NADK2: variants seen among roughly 807,000 people sequenced by gnomAD.
NADK2 encodes NAD kinase domain-containing protein 1, mitochondrial.
NADK2 carries 35 observed loss-of-function variants against 62.1 expected under a neutral mutation model. That is an observed-to-expected ratio of 0.56 (90% CI 0.43 to 0.75). The LOEUF (loss-of-function observed/expected upper bound fraction) is 0.75. Among genes scored for constraint, NADK2 ranks in the 30% least tolerant of loss-of-function variants. The pLI is 0.00. For synonymous variants in NADK2, 205 were observed against 207.9 expected, an observed-to-expected ratio of 0.99 and a Z score of 0.12; for missense variants, 439 against 561.3, an observed-to-expected ratio of 0.78 and a Z score of 2.20.
At chr5:36,236,004 G>A (rs1402068432) in intron 1 of NADK2, among the ~76,000 whole-genome samples, 1 of 151,848 alleles carries the variant, frequency 6.6e-6, no homozygotes, top group Non-Finnish European at 1.5e-5. Context: ...CACTGATAGT[G>A]ACAAATAAAG....
intron 8 of NADK2, among the ~76,000 whole-genome samples, chr5:36,201,732 G>T (rs1246808651): frequency 6.6e-6 from 1 of 151,852 alleles, no homozygotes; most frequent in Non-Finnish European, 1.5e-5. Context: ...ATGAAAGGGA[G>T]ACTAGCTTTT....
Position 36,197,555 on chromosome 5 carries a change from A to G in NADK2, c.1176T>C (p.Arg392=), listed in dbSNP as rs1023280001. ...ANRVFSSSRQ[R]CFSSKVCVRS... ...AGGATGCTTACTTTGAGGAGAAACA[A>G]CGCTGACGACTGCTTGAGAAAACTC... The change falls in exon 11 of 12, where the codon CGT becomes CGC. Residue 392 remains arginine, a synonymous_variant. Coordinates refer to ENST00000381937, the MANE Select transcript of NADK2 (RefSeq NM_001085411.3). 1.2e-6 allele frequency: 2 copies of G among 1,612,178 alleles called. No homozygotes were observed. The highest frequency in any genetic ancestry group is 1.7e-5 in the Admixed American group (1 of 59,854).
intron 6 of NADK2, among the ~76,000 whole-genome samples, chr5:36,213,452 T>C (rs1347210935): frequency 6.6e-6 from 1 of 151,796 alleles, no homozygotes; most frequent in Admixed American, 6.6e-5. Flanking sequence ...TTTTTCTCAT[T>C]TCTTTTGGAC....
chr5:36,234,094 G>C (rs114626443), intron 1 of NADK2, among the ~76,000 whole-genome samples: 2,398 of 152,164 alleles, frequency 0.016, 30 homozygotes, highest in South Asian at 0.044. Context: ...GTATTAATGG[G>C]CCAGGCGCGG....
At chr5:36,204,312 A>T (rs1409722768) in intron 8 of NADK2, among the ~76,000 whole-genome samples, 1 of 152,144 alleles carries the variant, frequency 6.6e-6, no homozygotes, top group Non-Finnish European at 1.5e-5. Flanking sequence ...CAGGCAAGGG[A>T]ATTTGTACAT....
intron 1 of NADK2, among the ~76,000 whole-genome samples, chr5:36,236,618 A>C (rs1236138840): frequency 1.3e-5 from 2 of 151,824 alleles, no homozygotes; most frequent in East Asian, 4.1e-4. Flanking sequence ...AAAAGACCTA[A>C]AAATGATCTT....
At chr5:36,196,527 G>A (rs1561052742) in intron 11 of NADK2, among the ~76,000 whole-genome samples, 1 of 151,998 alleles carries the variant, frequency 6.6e-6, no homozygotes, top group Non-Finnish European at 1.5e-5. Flanking sequence ...TTCTGGCTAT[G>A]AGCCCATTGC....
chr5:36,212,033 C>A, intron 6 of NADK2, 111 bp from the exon 7 acceptor site: 1 of 765,744 alleles, frequency 1.3e-6, no homozygotes. Context: ...TTAAAAGAAT[C>A]ACATACTTTA....
chr5:36,200,405 GTAACA>G (rs1423043712), intron 9 of NADK2, 125 bp from the exon 10 acceptor site: 1 of 399,534 alleles, frequency 2.5e-6, no homozygotes, highest in Non-Finnish European at 4.1e-6. Flanking sequence ...ATGTTATTAT[GTAACA>G]TAATAGCTAA....
Position 36,201,043 on chromosome 5 carries a change from G to T in NADK2, c.1012+63C>A, listed in dbSNP as rs765252311. 32 of 1,385,706 alleles carry T rather than the reference G, an allele frequency of 2.3e-5. No individual in the cohort carries two copies. The Admixed American group carries it at 3.2e-4, about 14-fold the overall frequency. 85.8% of individuals were successfully genotyped at this position (1,385,706 alleles called of 1,614,324 possible). A position where few individuals can be genotyped will look rare whatever the true frequency, so the allele number is the denominator to read the frequency against. On this transcript the variant is annotated intron_variant, in intron 9 of 11. Transcript: ENST00000381937. ...ATCCAAGGTTTCAGCATTCACTGGG[G>T]GTTCTGGAACTTGTCCCCTGCGGAT... is the stretch of plus-strand genomic sequence containing the variant.
chr5:36,199,677 A>C (rs926723521), intron 10 of NADK2, among the ~76,000 whole-genome samples: 1 of 152,080 alleles, frequency 6.6e-6, no homozygotes, highest in Admixed American at 6.6e-5. Context: ...CCCTCTTTTT[A>C]CAACTGTAGA....
intron 10 of NADK2, among the ~76,000 whole-genome samples, chr5:36,198,066 G>C (rs1746299496): frequency 2.0e-5 from 3 of 152,002 alleles, no homozygotes; most frequent in Admixed American, 1.3e-4. Context: ...TCATAACGAT[G>C]ATAATAAGCA....
In NADK2 at chr5:36,205,550, TG is replaced by T. The variant is rs1440328922; in HGVS notation, c.956+1619del. Among the ~76,000 whole-genome samples the T allele has an allele frequency of 6.6e-6, 1 of 152,034 alleles. No individual in the cohort carries two copies. Among genetic ancestry groups the T allele is most frequent in the Non-Finnish European group, 1.5e-5 (1 of 67,990 alleles). On this transcript the variant is annotated intron_variant, in intron 8 of 11. Transcript: ENST00000381937. The surrounding 1 kb of genome is among the most constrained non-coding windows in gnomAD (Gnocchi z 4.1). ...AGGTCATATGTTAAAGGGCCTCAAATGACAGATTAAGCAATCTGAACAGAGG... is the reference window on the plus strand; with the variant it reads ...AGGTCATATGTTAAAGGGCCTCAAATACAGATTAAGCAATCTGAACAGAGG...
At chr5:36,203,634 G>A (rs1470352291) in intron 8 of NADK2, among the ~76,000 whole-genome samples, 5 of 152,150 alleles carry the variant, frequency 3.3e-5, no homozygotes, top group Middle Eastern at 3.4e-3. Flanking sequence ...CATACTTATC[G>A]AAATGCAACA....
chr5:36,195,011 T>C lies in NADK2; in HGVS notation c.*133A>G, dbSNP rs1259246537. The C allele has an allele frequency of 2.3e-6, 2 of 853,828 alleles. No individual in the cohort carries two copies. Among genetic ancestry groups the C allele is most frequent in the East Asian group, 5.6e-5 (2 of 35,472 alleles). The allele number at this position is 853,828 out of a possible 1,614,324, so 52.9% of individuals were successfully genotyped here. On this transcript the variant is annotated 3_prime_UTR_variant, in exon 12 of 12. Transcript: ENST00000381937. ...CTATCAGAATCCAACAGAAGAATAA[T>C]GCAAATCTCACTTCTGAGCCCACGG...
chr5:36,224,165 T>G (rs948110434), intron 4 of NADK2, among the ~76,000 whole-genome samples: 3 of 152,158 alleles, frequency 2.0e-5, no homozygotes, highest in Admixed American at 2.0e-4. Context: ...CGCCAAGTGC[T>G]GAAGACTACA....
chr5:36,232,797 G>A (rs776379269), intron 1 of NADK2, among the ~76,000 whole-genome samples: 4 of 152,034 alleles, frequency 2.6e-5, no homozygotes, highest in African/African-American at 4.8e-5. Flanking sequence ...CCCACTCCAG[G>A]AAACTCACCT....
At chr5:36,237,994 C>T (rs988111476) in intron 1 of NADK2, among the ~76,000 whole-genome samples, 1 of 152,002 alleles carries the variant, frequency 6.6e-6, no homozygotes, top group Non-Finnish European at 1.5e-5. Flanking sequence ...AGAGAAAGGG[C>T]CAGATGTTCA....
intron 8 of NADK2, among the ~76,000 whole-genome samples, chr5:36,204,638 T>C (rs746974106): frequency 3.7e-4 from 56 of 152,120 alleles, no homozygotes; most frequent in Non-Finnish European, 5.0e-4. Context: ...CATAAAATTA[T>C]TGGAAAATTC....
Sources: allele counts gnomAD v4.1 joint callset (sites outside exome capture counted in the v4.1 genomes callset), GRCh38; gene constraint gnomAD v4.1.1; non-coding constraint Gnocchi (gnomAD v3.1); transcripts MANE v1.5; gene names NCBI Gene and HGNC (gene_info 2026-07-23, HGNC 2026-07-21).